Variants in MDN1 observed in about 807,000 individuals in gnomAD.
The protein encoded by MDN1 is midasin AAA ATPase 1.
MDN1 carries 266 observed loss-of-function variants against 669.2 expected under a neutral mutation model. The observed-to-expected ratio is 0.40, with a 90% CI of 0.36 to 0.44. The LOEUF is 0.44. Among genes scored for constraint, MDN1 ranks in the 20% least tolerant of loss-of-function variants. The pLI is 1.00. For missense variants in MDN1, 5,940 were observed against 6,754.0 expected, an observed-to-expected ratio of 0.88 and a Z score of 4.22; for synonymous variants, 2,385 against 2,457.1, an observed-to-expected ratio of 0.97 and a Z score of 0.87.
At chr6:89,746,105 G>A (rs1168740717) in intron 27 of MDN1, among the ~76,000 whole-genome samples, 1 of 152,136 alleles carries the variant, frequency 6.6e-6, no homozygotes. Flanking sequence ...TGAAACTCAA[G>A]GACAGGCAAA....
intron 84 of MDN1, among the ~76,000 whole-genome samples, chr6:89,666,251 T>C (rs1340366284): frequency 6.6e-6 from 1 of 152,244 alleles, no homozygotes; most frequent in African/African-American, 2.4e-5. Context: ...TTTACAGACT[T>C]ATGCAATCTG....
chr6:89,723,003 C>T lies in MDN1; in HGVS notation c.5919G>A (p.Val1973=). The T allele has an allele frequency of 6.2e-7, 1 of 1,613,964 alleles. No individual in the cohort carries two copies. Among genetic ancestry groups the T allele is most frequent in the South Asian group, 1.1e-5 (1 of 91,046 alleles). Residue 1973 remains valine (V), a synonymous_variant, in exon 40 of 102, where the codon GTG becomes GTA. Transcript: ENST00000369393. ...TCATTCTTTCACCATAGACCAAAAA[C>T]ACATGCTGACCAGGATCATAACACC... The part of the protein sequence containing the change: ...SPGCYDPGQH[V]FLVYGERMRT...
At chr6:89,753,407 C>A (rs951672332) in intron 22 of MDN1, 105 bp downstream of exon 22, 1 of 842,252 alleles carries the variant, frequency 1.2e-6, no homozygotes, top group South Asian at 1.7e-5. Flanking sequence ...CAACAGATTA[C>A]CTTTATAATT....
intron 23 of MDN1, among the ~76,000 whole-genome samples, chr6:89,751,092 GA>G (rs1459770641): frequency 6.6e-6 from 1 of 151,930 alleles, no homozygotes; most frequent in Non-Finnish European, 1.5e-5. Flanking sequence ...AAATACTAAG[GA>G]AAGCAATTCC....
At chr6:89,663,537 A>C (rs185245339) in intron 85 of MDN1, among the ~76,000 whole-genome samples, 46 of 152,354 alleles carry the variant, frequency 3.0e-4, no homozygotes, top group Middle Eastern at 6.8e-3. Flanking sequence ...ATTTGGGGCA[A>C]GGGCTGAATT....
Position 89,794,647 on chromosome 6 carries a change from C to T in MDN1, c.484G>A (p.Val162Met), listed in dbSNP as rs1290400476. The change falls in exon 3 of 102, where the codon GTG (valine) becomes ATG (methionine). Residue 162 changes from valine (V) to methionine (M), a missense_variant. Physicochemically the swap from Val to Met is conservative, Grantham distance 21 (BLOSUM62 1). Around this residue, in one of 5 missense-constraint regions of MDN1, gnomAD observed 1,203 missense variants for 1,268.9 expected, o/e 0.95. Coordinates refer to ENST00000369393, the MANE Select transcript of MDN1 (RefSeq NM_014611.3). ...AFKFLQQEQSVFRELWDWSVC... is the reference protein window; with the variant it reads ...AFKFLQQEQSMFRELWDWSVC... ...CTCCAGTCCCAGAGCTCCCGGAACA[C>T]AGACTGCTCCTGCTGCAGAAACTTG... 1.2e-6 allele frequency: 2 copies of T among 1,613,978 alleles called. No individual in the cohort carries two copies. Among genetic ancestry groups the T allele is most frequent in the Non-Finnish European group, 1.7e-6 (2 of 1,180,046 alleles).
At chr6:89,720,721 T>G (rs1440510769) in intron 40 of MDN1, among the ~76,000 whole-genome samples, 2 of 152,212 alleles carry the variant, frequency 1.3e-5, no homozygotes, top group African/African-American at 4.8e-5. Context: ...TTATGTGAAT[T>G]ATATATCAAT....
At chr6:89,679,401 C>T (rs1811448696) in intron 74 of MDN1, among the ~76,000 whole-genome samples, 1 of 152,190 alleles carries the variant, frequency 6.6e-6, no homozygotes, top group Non-Finnish European at 1.5e-5. Flanking sequence ...AAGGGTGCCG[C>T]CTCCCTGTTG....
chr6:89,665,068 G>C (rs1810090520), intron 84 of MDN1, among the ~76,000 whole-genome samples: 1 of 151,870 alleles, frequency 6.6e-6, no homozygotes, highest in Non-Finnish European at 1.5e-5. Context: ...TCACTATGTT[G>C]CCCAGCCTGG....
In MDN1 at chr6:89,664,543, A is replaced by G; in HGVS notation, c.14180T>C (p.Ile4727Thr). The change falls in exon 85 of 102, where the codon ATT becomes ACT. Residue 4727 changes from isoleucine (I) to threonine (T), a missense_variant. Around this residue, in one of 5 missense-constraint regions of MDN1, gnomAD observed 2,280 missense variants for 2,576.3 expected, o/e 0.88. Coordinates refer to ENST00000369393, the MANE Select transcript of MDN1 (RefSeq NM_014611.3). ...CCCATCAAAATCTTCCGACATCTCA[A>G]TGGCATTATCCTCGCCCTTAATATC... ...KSDIKGEDNA[I>T]EMSEDFDGKM... The G allele has an allele frequency of 1.2e-6, 2 of 1,614,010 alleles. No homozygotes were observed. The highest frequency in any genetic ancestry group is 1.7e-6 in the Non-Finnish European group (2 of 1,179,910).
chr6:89,728,883 AT>A, intron 36 of MDN1, 47 bp downstream of exon 36: 1 of 1,540,104 alleles, frequency 6.5e-7, no homozygotes, highest in Non-Finnish European at 8.9e-7. Flanking sequence ...TGACACAGAC[AT>A]TACTATCTAT....
At chr6:89,686,365 C>T (rs548331381) in intron 69 of MDN1, among the ~76,000 whole-genome samples, 3 of 152,124 alleles carry the variant, frequency 2.0e-5, no homozygotes, top group Admixed American at 2.0e-4. Context: ...GCGGAGATTG[C>T]AGGGAGCTGA....
At chr6:89,742,041 C>A (rs1025111531) in intron 31 of MDN1, among the ~76,000 whole-genome samples, 2 of 152,106 alleles carry the variant, frequency 1.3e-5, no homozygotes, top group Non-Finnish European at 2.9e-5. Context: ...GCAGAGGTTG[C>A]AGTGGGCCAA....
intron 40 of MDN1, 118 bp downstream of exon 40, chr6:89,722,837 A>G: frequency 1.1e-6 from 1 of 939,606 alleles, no homozygotes; most frequent in South Asian, 1.8e-5. Flanking sequence ...CAAGAGTGAA[A>G]CCCAGTCTCA....
chr6:89,698,696 T>C (rs994256128), intron 59 of MDN1, among the ~76,000 whole-genome samples, 169 bp downstream of exon 59: 10 of 152,240 alleles, frequency 6.6e-5, no homozygotes, highest in African/African-American at 2.4e-4. Context: ...TTATTTAACA[T>C]GGTATACTTT....
chr6:89,679,465 T>C (rs1207041148), intron 74 of MDN1, among the ~76,000 whole-genome samples: 2 of 152,116 alleles, frequency 1.3e-5, no homozygotes, highest in Non-Finnish European at 2.9e-5. Context: ...TATGTTAAAG[T>C]CCCAACCCCT....
intron 71 of MDN1, among the ~76,000 whole-genome samples, chr6:89,684,121 AATCACAAGGTAAGGAG>A: frequency 6.6e-6 from 1 of 152,248 alleles, no homozygotes; most frequent in African/African-American, 2.4e-5. Context: ...AGGTGGGCGG[AATCACAAGGTAAGGAG>A]ATTGAGACCA....
intron 73 of MDN1, 129 bp from the exon 74 acceptor site, chr6:89,680,880 T>C: frequency 4.1e-6 from 4 of 983,230 alleles, no homozygotes; most frequent in Non-Finnish European, 5.9e-6. Context: ...AAATGTAGCA[T>C]CACTAAAATT....
At chr6:89,675,996 A>G in intron 77 of MDN1, 106 bp downstream of exon 77, 1 of 965,978 alleles carries the variant, frequency 1.0e-6, no homozygotes. Flanking sequence ...GCTCAGTTCC[A>G]CTAACAGGCT....
Sources: gnomAD v4.1 joint callset for allele counts (sites outside exome capture counted in the v4.1 genomes callset) on GRCh38, gnomAD v4.1.1 for gene constraint, gnomAD v4.1.1 regional missense constraint, MANE v1.5 for transcripts, NCBI Gene and HGNC (gene_info 2026-07-23, HGNC 2026-07-21) for gene names.